Variants in TNFSF4 observed in about 807,000 individuals in gnomAD.
TNFSF4 encodes the protein tumor necrosis factor ligand superfamily member 4.
Under a neutral mutation model 7.3 loss-of-function variants are expected in TNFSF4, and 4 were observed. The ratio of observed to expected loss-of-function variants is 0.55; its 90% CI spans 0.27 to 1.25. The LOEUF is 1.25. TNFSF4 is among the 50% of genes most tolerant of loss of function. The pLI, the probability that TNFSF4 is intolerant of heterozygous loss-of-function variation, is 0.12. For missense variants in TNFSF4, 181 were observed against 208.8 expected, an observed-to-expected ratio of 0.87 and a Z score of 0.82; for synonymous variants, 76 against 83.7, an observed-to-expected ratio of 0.91 and a Z score of 0.50.
the TNFSF4 span, among the ~76,000 whole-genome samples, chr1:173,312,377 T>C: frequency 6.6e-6 from 1 of 152,100 alleles, no homozygotes; most frequent in Non-Finnish European, 1.5e-5. Flanking sequence ...TCCCTTTTGT[T>C]GTATTTGTGT....
the TNFSF4 span, among the ~76,000 whole-genome samples, chr1:173,176,993 G>A: frequency 6.6e-6 from 1 of 151,530 alleles, no homozygotes; most frequent in African/African-American, 2.4e-5. Flanking sequence ...TGGGGGTTAG[G>A]AGAGGATAAA....
At chr1:173,269,181 G>T in the TNFSF4 span, among the ~76,000 whole-genome samples, 4 of 152,072 alleles carry the variant, frequency 2.6e-5, no homozygotes, top group Non-Finnish European at 5.9e-5. Flanking sequence ...TAATCAAGAG[G>T]GTCTAGGGAG....
chr1:173,180,261 T>A (rs1649033357), downstream of TNFSF4, among the ~76,000 whole-genome samples: 1 of 152,224 alleles, frequency 6.6e-6, no homozygotes. Flanking sequence ...AGCACTCAGC[T>A]TCTTATCTGA....
At chr1:173,316,017 G>A in the TNFSF4 span, among the ~76,000 whole-genome samples, 1 of 152,044 alleles carries the variant, frequency 6.6e-6, no homozygotes, top group Admixed American at 6.6e-5. Flanking sequence ...TAGTTTCATG[G>A]TTTTAGGTCC....
the TNFSF4 span, among the ~76,000 whole-genome samples, chr1:173,244,466 C>A: frequency 5.3e-5 from 8 of 151,592 alleles, no homozygotes; most frequent in African/African-American, 1.5e-4. Context: ...AACGGTGAAA[C>A]CCCGTCTCTA....
the TNFSF4 span, among the ~76,000 whole-genome samples, chr1:173,234,423 T>G: frequency 9.2e-5 from 14 of 152,214 alleles, no homozygotes; most frequent in African/African-American, 3.1e-4. Flanking sequence ...AATACCATTT[T>G]ACCCAGCCAT....
chr1:173,313,028 C>T, the TNFSF4 span, among the ~76,000 whole-genome samples: 1 of 152,106 alleles, frequency 6.6e-6, no homozygotes, highest in African/African-American at 2.4e-5. Flanking sequence ...CCCTGCATCA[C>T]AATTCTTTCT....
At chr1:173,292,334 C>T in the TNFSF4 span, among the ~76,000 whole-genome samples, 68 of 152,222 alleles carry the variant, frequency 4.5e-4, 1 homozygote, top group African/African-American at 1.6e-3. Context: ...TCAACATATG[C>T]AAATCAATAA....
At chr1:173,329,284 T>C in the TNFSF4 span, among the ~76,000 whole-genome samples, 7 of 152,184 alleles carry the variant, frequency 4.6e-5, no homozygotes, top group Non-Finnish European at 1.0e-4. Flanking sequence ...CATCCTCTCA[T>C]ATACTTTAAA....
the TNFSF4 span, among the ~76,000 whole-genome samples, chr1:173,382,113 T>C: frequency 6.6e-6 from 1 of 152,202 alleles, no homozygotes; most frequent in Non-Finnish European, 1.5e-5. Context: ...GCTCACTCTT[T>C]GGGTCCACAC....
the TNFSF4 span, among the ~76,000 whole-genome samples, chr1:173,232,689 A>G: frequency 3.3e-5 from 5 of 152,064 alleles, no homozygotes; most frequent in Non-Finnish European, 4.4e-5. Context: ...GGGCTGTTGG[A>G]TTTTGTCGAA....
the TNFSF4 span, among the ~76,000 whole-genome samples, chr1:173,365,381 T>A: frequency 0.025 from 3,739 of 152,316 alleles, 177 homozygotes; most frequent in African/African-American, 0.086. Flanking sequence ...TATTATTGAC[T>A]GTCTCAAAAG....
At chr1:173,191,399 T>C (rs938101850) in intron 1 of TNFSF4, among the ~76,000 whole-genome samples, 3 of 152,172 alleles carry the variant, frequency 2.0e-5, no homozygotes, top group Admixed American at 1.3e-4. Context: ...TTAGGCAATG[T>C]TGTGAAGTAG....
In TNFSF4 at chr1:173,207,005, G is replaced by A. The variant is rs563407983; in HGVS notation, c.153+19C>T. The A allele has an allele frequency of 4.4e-5, 69 of 1,584,618 alleles. 1 individual carries two copies. In the South Asian group the frequency reaches 5.2e-4, roughly 12 times the overall value. ...CAGCATGAGCTGGTGGGAAAACAGC[G>A]CCCAGTGGTGCATCTTACCTGAAGA... On this transcript the variant is annotated intron_variant, in intron 1 of 2. Transcript: ENST00000281834.
the TNFSF4 span, among the ~76,000 whole-genome samples, chr1:173,442,551 G>GTTTTTTTTT: frequency 2.5e-5 from 3 of 119,400 alleles, no homozygotes; most frequent in African/African-American, 1.1e-4. Flanking sequence ...TTTTGTTTTT[G>GTTTTTTTTT]TTTTTTTTTT....
the TNFSF4 span, among the ~76,000 whole-genome samples, chr1:173,368,703 C>T: frequency 6.6e-6 from 1 of 151,948 alleles, no homozygotes; most frequent in Non-Finnish European, 1.5e-5. Flanking sequence ...GGGGTCCCGA[C>T]AACAAGTTGG....
the TNFSF4 span, among the ~76,000 whole-genome samples, chr1:173,289,099 G>C: frequency 6.6e-6 from 1 of 152,008 alleles, no homozygotes; most frequent in Non-Finnish European, 1.5e-5. Context: ...AGGGGAACAG[G>C]GAGGCCAAAG....
chr1:173,431,408 T>C, the TNFSF4 span, among the ~76,000 whole-genome samples: 3 of 152,210 alleles, frequency 2.0e-5, no homozygotes, highest in African/African-American at 7.2e-5. Flanking sequence ...GATTTGTTAG[T>C]TGCACAGAAT....
At chr1:173,175,536 C>G in the TNFSF4 span, 2 of 152,108 alleles carry the variant, frequency 1.3e-5, no homozygotes, top group African/African-American at 4.8e-5. Context: ...TTTCTCCTCA[C>G]TTGTACTCCC....
Sources: allele counts gnomAD v4.1 joint callset (sites outside exome capture counted in the v4.1 genomes callset), GRCh38; gene constraint gnomAD v4.1.1; transcripts MANE v1.5; gene names NCBI Gene and HGNC (gene_info 2026-07-23, HGNC 2026-07-21).